Variants in EEIG1 observed in about 807,000 individuals in gnomAD.
EEIG1 encodes estrogen-induced osteoclastogenesis regulator 1.
At chr9:127,942,985 G>A in the EEIG1 span, 1 of 612,906 alleles carries the variant, frequency 1.6e-6, no homozygotes, top group Non-Finnish European at 3.0e-6. Context: ...TCACAGTGGT[G>A]CCTGGGCCTT....
chr9:127,944,560 G>C, the EEIG1 span: 3 of 1,291,586 alleles, frequency 2.3e-6, no homozygotes, highest in African/African-American at 4.4e-5. Flanking sequence ...TGGGGACTCT[G>C]CTCTCACCCC....
chr9:127,979,720 ACATG>A, the EEIG1 span, among the ~76,000 whole-genome samples: 1 of 152,234 alleles, frequency 6.6e-6, no homozygotes, highest in Admixed American at 6.5e-5. Context: ...GATAGGCTGT[ACATG>A]CAAGTCTGCA....
the EEIG1 span, among the ~76,000 whole-genome samples, chr9:127,968,861 C>T: frequency 6.6e-6 from 1 of 152,164 alleles, no homozygotes; most frequent in African/African-American, 2.4e-5. Context: ...AGTGTGAGGC[C>T]CTGACTCACT....
the EEIG1 span, among the ~76,000 whole-genome samples, chr9:127,966,985 G>A: frequency 9.2e-3 from 1,394 of 152,294 alleles, 9 homozygotes; most frequent in Middle Eastern, 0.037. Flanking sequence ...AGAGATTGTG[G>A]CATGGGCATC....
chr9:127,946,994 G>A, the EEIG1 span, among the ~76,000 whole-genome samples: 3 of 152,134 alleles, frequency 2.0e-5, no homozygotes, highest in African/African-American at 7.2e-5. Context: ...ACACTTGGGG[G>A]CAGGCCAGAG....
chr9:127,970,277 C>T, the EEIG1 span, among the ~76,000 whole-genome samples: 4 of 152,110 alleles, frequency 2.6e-5, no homozygotes, highest in African/African-American at 7.2e-5. Context: ...CCACCATGCC[C>T]GGCTAATTTT....
chr9:127,954,774 G>C, the EEIG1 span, among the ~76,000 whole-genome samples: 2 of 152,146 alleles, frequency 1.3e-5, no homozygotes, highest in Non-Finnish European at 1.5e-5. Flanking sequence ...GCGACCTGGG[G>C]GCTTCAGCTT....
At chr9:127,978,745 G>A in the EEIG1 span, among the ~76,000 whole-genome samples, 1 of 152,162 alleles carries the variant, frequency 6.6e-6, no homozygotes, top group Non-Finnish European at 1.5e-5. Flanking sequence ...GCTGAGGCAG[G>A]AGGATCGCTT....
At chr9:127,971,885 T>C in the EEIG1 span, among the ~76,000 whole-genome samples, 1 of 151,998 alleles carries the variant, frequency 6.6e-6, no homozygotes, top group African/African-American at 2.4e-5. Context: ...GAAGGGAACT[T>C]GAGGAAGAGG....
At chr9:127,944,984 C>A in the EEIG1 span, 1 of 1,488,608 alleles carries the variant, frequency 6.7e-7, no homozygotes, top group Non-Finnish European at 9.1e-7. Context: ...TGCCAGTCAG[C>A]CGCAGCGGCG....
the EEIG1 span, among the ~76,000 whole-genome samples, chr9:127,975,334 G>C: frequency 6.6e-6 from 1 of 152,224 alleles, no homozygotes; most frequent in African/African-American, 2.4e-5. Context: ...GCCCACCAAA[G>C]ACTGCCCAAA....
the EEIG1 span, among the ~76,000 whole-genome samples, chr9:127,970,544 A>G: frequency 1.3e-5 from 2 of 152,146 alleles, no homozygotes; most frequent in Admixed American, 6.5e-5. Flanking sequence ...TTTTGTTTTG[A>G]GTAATTCCCT....
chr9:127,945,889 G>A, the EEIG1 span: 8 of 648,076 alleles, frequency 1.2e-5, no homozygotes, highest in East Asian at 2.7e-5. The surrounding 1 kb of genome is among the most constrained non-coding windows in gnomAD (Gnocchi z 6.5). Context: ...AGGTTCAGAG[G>A]AGCAGCAACC....
At chr9:127,970,258 A>G in the EEIG1 span, among the ~76,000 whole-genome samples, 1 of 152,148 alleles carries the variant, frequency 6.6e-6, no homozygotes, top group African/African-American at 2.4e-5. Context: ...CTGGGATTAC[A>G]GGCATGCGCC....
the EEIG1 span, chr9:127,979,931 C>A: frequency 6.4e-7 from 1 of 1,552,128 alleles, no homozygotes; most frequent in South Asian, 1.2e-5. Context: ...CCACACTTGC[C>A]AAGTGTCTAG....
chr9:127,960,072 G>A, the EEIG1 span, among the ~76,000 whole-genome samples: 2 of 152,202 alleles, frequency 1.3e-5, no homozygotes, highest in African/African-American at 4.8e-5. Context: ...ATAGAAAAAT[G>A]GAGAACACCA....
At chr9:127,946,220 G>A in the EEIG1 span, among the ~76,000 whole-genome samples, 3 of 152,342 alleles carry the variant, frequency 2.0e-5, no homozygotes, top group South Asian at 6.2e-4. Context: ...CAGAGGCCCC[G>A]AGGCTGGAAG....
chr9:127,964,974 T>C, the EEIG1 span, among the ~76,000 whole-genome samples: 2 of 151,732 alleles, frequency 1.3e-5, no homozygotes, highest in Non-Finnish European at 2.9e-5. Context: ...CCAGATGTGG[T>C]GGCGGGCACC....
chr9:127,979,926 C>T, the EEIG1 span: 26 of 1,541,982 alleles, frequency 1.7e-5, 2 homozygotes, highest in African/African-American at 1.2e-4. Flanking sequence ...CCCTTCCACA[C>T]TTGCCAAGTG....
Sources: gnomAD v4.1 joint callset for allele counts (sites outside exome capture counted in the v4.1 genomes callset) on GRCh38, gnomAD v4.1.1 for gene constraint, Gnocchi (gnomAD v3.1) non-coding constraint, MANE v1.5 for transcripts, NCBI Gene and HGNC (gene_info 2026-07-23, HGNC 2026-07-21) for gene names.